CDKAL1: variants seen among roughly 807,000 people sequenced by gnomAD.
CDKAL1 encodes the protein threonylcarbamoyladenosine tRNA methylthiotransferase.
Under a neutral mutation model 68.2 loss-of-function variants are expected in CDKAL1, and 32 were observed. That is an observed-to-expected ratio of 0.47 (90% confidence interval 0.35 to 0.63). The LOEUF (loss-of-function observed/expected upper bound fraction) is 0.63. CDKAL1 is among the 30% of genes least tolerant of loss of function. CDKAL1 has a pLI of 0.00. For missense variants in CDKAL1, 606 were observed against 696.7 expected (o/e 0.87, Z 1.47); for synonymous variants, 234 against 244.3 (o/e 0.96, Z 0.39).
Position 20,664,548 on chromosome 6 carries a change from A to G in CDKAL1, c.371+15171A>G, listed in dbSNP as rs373396592. Among the ~76,000 whole-genome samples the G allele has an allele frequency of 1.5e-4, 23 of 152,264 alleles. 1 individual carries two copies. The highest frequency in any genetic ancestry group is 5.1e-4 in the African/African-American group (21 of 41,568). Reference sequence around the variant, plus strand: ...AAGGAAAAGACTTGTTTTACCTCAAATGAGAAAATGGTTTGAGTCAACATA... The same window carrying G: ...AAGGAAAAGACTTGTTTTACCTCAAGTGAGAAAATGGTTTGAGTCAACATA... On this transcript the variant is annotated intron_variant, in intron 5 of 15. Coordinates refer to ENST00000274695, the MANE Select transcript of CDKAL1 (RefSeq NM_017774.3).
At chr6:20,747,916 G>A (rs1773730517) in intron 6 of CDKAL1, among the ~76,000 whole-genome samples, 1 of 152,160 alleles carries the variant, frequency 6.6e-6, no homozygotes, top group Non-Finnish European at 1.5e-5. Flanking sequence ...CAAGGCCAAT[G>A]TCAAAGATCT....
intron 13 of CDKAL1, among the ~76,000 whole-genome samples, chr6:21,145,075 A>G (rs1408730398): frequency 6.6e-6 from 1 of 152,150 alleles, no homozygotes; most frequent in East Asian, 1.9e-4. Flanking sequence ...GTAATGTCTT[A>G]CACATGTTTC....
chr6:20,945,379 C>G (rs1288117323), intron 9 of CDKAL1, among the ~76,000 whole-genome samples: 1 of 152,140 alleles, frequency 6.6e-6, no homozygotes, highest in African/African-American at 2.4e-5. Context: ...TAAAATCCCT[C>G]TGTCCCAAGC....
chr6:21,218,048 ATTTG>A (rs775366355), intron 15 of CDKAL1, among the ~76,000 whole-genome samples: 4 of 152,094 alleles, frequency 2.6e-5, no homozygotes, highest in Admixed American at 6.5e-5. Flanking sequence ...TATTTTTGTG[ATTTG>A]TTTAAGAAGT....
At chr6:21,007,759 T>C (rs915724342) in intron 11 of CDKAL1, among the ~76,000 whole-genome samples, 13 of 152,182 alleles carry the variant, frequency 8.5e-5, no homozygotes, top group African/African-American at 3.1e-4. Flanking sequence ...TTGTATGTCT[T>C]AGATTGTTTA....
intron 5 of CDKAL1, among the ~76,000 whole-genome samples, chr6:20,732,735 C>A (rs1561727303): frequency 2.0e-5 from 3 of 152,150 alleles, no homozygotes; most frequent in Admixed American, 6.5e-5. Context: ...GCACCACAGT[C>A]ACCATTTTCT....
At chr6:20,540,099 A>G (rs1319771062) in intron 2 of CDKAL1, among the ~76,000 whole-genome samples, 3 of 87,054 alleles carry the variant, frequency 3.4e-5, no homozygotes, top group African/African-American at 2.4e-4. Context: ...TTTGAGACAG[A>G]GTCTCACTCT....
chr6:20,732,509 A>T (rs1773001330), intron 5 of CDKAL1, among the ~76,000 whole-genome samples: 2 of 150,870 alleles, frequency 1.3e-5, no homozygotes. Context: ...CTGGTCTCAA[A>T]TTCCTGACCT....
chr6:20,736,313 C>T (rs1174028406), intron 5 of CDKAL1, among the ~76,000 whole-genome samples: 1 of 152,132 alleles, frequency 6.6e-6, no homozygotes, highest in Non-Finnish European at 1.5e-5. Flanking sequence ...ACCTTATGAC[C>T]AGCAAAGCTG....
At chr6:20,580,933 G>T (rs1415630035) in intron 4 of CDKAL1, among the ~76,000 whole-genome samples, 2 of 152,090 alleles carry the variant, frequency 1.3e-5, no homozygotes, top group African/African-American at 4.8e-5. Context: ...GGGATTATAG[G>T]CATGCGCCAC....
At chr6:21,178,559 AAGAG>A (rs1050125911) in intron 13 of CDKAL1, among the ~76,000 whole-genome samples, 3 of 152,176 alleles carry the variant, frequency 2.0e-5, no homozygotes, top group African/African-American at 7.2e-5. Flanking sequence ...ACTTGGAAAA[AAGAG>A]AGGATCACAT....
intron 13 of CDKAL1, among the ~76,000 whole-genome samples, chr6:21,180,233 T>C (rs1777737298): frequency 6.6e-6 from 1 of 152,202 alleles, no homozygotes; most frequent in Non-Finnish European, 1.5e-5. Flanking sequence ...GTCATCATGG[T>C]GGTTAGTTGA....
intron 4 of CDKAL1, among the ~76,000 whole-genome samples, chr6:20,647,545 T>C (rs1233761900): frequency 6.6e-6 from 1 of 152,148 alleles, no homozygotes; most frequent in Non-Finnish European, 1.5e-5. Flanking sequence ...TCTTAAATAG[T>C]AGTAAAGACA....
chr6:20,791,929 G>A (rs981221259), intron 8 of CDKAL1, among the ~76,000 whole-genome samples: 5 of 151,254 alleles, frequency 3.3e-5, no homozygotes, highest in Admixed American at 1.3e-4. Flanking sequence ...GCCACCATCT[G>A]TCAGCTTTCC....
rs1311898220 is a variant in CDKAL1 at position 20,963,822 on chromosome 6, C to T, written c.909+8237C>T. Among the ~76,000 whole-genome samples the T allele has an allele frequency of 1.3e-5, 2 of 152,012 alleles. 1 individual carries two copies. Among genetic ancestry groups the T allele is most frequent in the Admixed American group, 1.3e-4 (2 of 15,254 alleles). On this transcript the variant is annotated intron_variant, in intron 10 of 15. Coordinates refer to ENST00000274695, the MANE Select transcript of CDKAL1 (RefSeq NM_017774.3). Reference sequence around the variant, plus strand: ...TCACTGGTATTCTCAGTTCCAGTGTCTATATTATGAGAAAGCAGGCATGAG... The same window carrying T: ...TCACTGGTATTCTCAGTTCCAGTGTTTATATTATGAGAAAGCAGGCATGAG...
chr6:21,006,044 C>T (rs1767707076), intron 11 of CDKAL1, among the ~76,000 whole-genome samples: 1 of 152,092 alleles, frequency 6.6e-6, no homozygotes, highest in African/African-American at 2.4e-5. Flanking sequence ...AGTCATTGAG[C>T]TAACTTATAT....
chr6:21,126,290 A>G (rs950724615), intron 13 of CDKAL1, among the ~76,000 whole-genome samples: 2 of 152,228 alleles, frequency 1.3e-5, no homozygotes, highest in Admixed American at 1.3e-4. Flanking sequence ...AAAGCTCCTT[A>G]TAATGGAGCG....
intron 2 of CDKAL1, among the ~76,000 whole-genome samples, chr6:20,544,259 A>T (rs75736824): frequency 0.091 from 13,850 of 151,834 alleles, 731 homozygotes; most frequent in African/African-American, 0.12. Flanking sequence ...CTATCCCTCT[A>T]CCAATACCAC....
At chr6:20,963,187 G>T (rs1378967499) in intron 10 of CDKAL1, among the ~76,000 whole-genome samples, 1 of 152,050 alleles carries the variant, frequency 6.6e-6, no homozygotes, top group Non-Finnish European at 1.5e-5. Context: ...ACTGATAAAA[G>T]ATGAAATTGA....
Sources: gnomAD v4.1 joint callset for allele counts (sites outside exome capture counted in the v4.1 genomes callset) on GRCh38, gnomAD v4.1.1 for gene constraint, MANE v1.5 for transcripts, NCBI Gene and HGNC (gene_info 2026-07-23, HGNC 2026-07-21) for gene names.